The following SMOC2 variants were observed in gnomAD, a reference collection of about 807,000 sequenced individuals.
The protein encoded by SMOC2 is SPARC related modular calcium binding 2.
SMOC2 carries 39 observed loss-of-function variants against 61.4 expected under a neutral mutation model. That is an observed-to-expected ratio of 0.64 (90% CI 0.49 to 0.83). The LOEUF (loss-of-function observed/expected upper bound fraction) is 0.83. Ranked by LOEUF, SMOC2 falls within the 40% of genes least tolerant of loss-of-function variation. SMOC2 has a pLI of 0.00. For missense variants in SMOC2, 556 were observed against 592.9 expected, an observed-to-expected ratio of 0.94 and a Z score of 0.65; for synonymous variants, 247 against 239.9, an observed-to-expected ratio of 1.03 and a Z score of -0.27.
chr6:168,656,186 G>A (rs906517759), intron 11 of SMOC2, among the ~76,000 whole-genome samples: 1 of 152,124 alleles, frequency 6.6e-6, no homozygotes, highest in African/African-American at 2.4e-5. Flanking sequence ...GCTTGAGACT[G>A]TGTTGTGGAG....
At chr6:168,469,662 G>A (rs1235271018) in intron 1 of SMOC2, among the ~76,000 whole-genome samples, 1 of 152,290 alleles carries the variant, frequency 6.6e-6, no homozygotes, top group Non-Finnish European at 1.5e-5. Context: ...GCTCGGAGCC[G>A]ATGACATTTG....
At chr6:168,571,003 G>T (rs1332488983) in intron 7 of SMOC2, among the ~76,000 whole-genome samples, 2 of 152,156 alleles carry the variant, frequency 1.3e-5, no homozygotes, top group Non-Finnish European at 2.9e-5. Context: ...AGCAGTGCAG[G>T]ATTATCTGAA....
chr6:168,624,753 TCA>T (rs941890146), intron 9 of SMOC2, among the ~76,000 whole-genome samples: 3 of 95,474 alleles, frequency 3.1e-5, no homozygotes, highest in Admixed American at 1.0e-4. Context: ...TCACACACAC[TCA>T]CAGACACATG....
intron 9 of SMOC2, among the ~76,000 whole-genome samples, chr6:168,644,246 G>A (rs1786967484): frequency 6.6e-6 from 1 of 152,154 alleles, no homozygotes; most frequent in African/African-American, 2.4e-5. Context: ...CTCCGCCCTG[G>A]GAATTTCCCC....
chr6:168,580,260 T>G (rs776524019), intron 7 of SMOC2, among the ~76,000 whole-genome samples: 10 of 152,228 alleles, frequency 6.6e-5, no homozygotes, highest in Non-Finnish European at 1.5e-5. Context: ...CCAAAGGAAC[T>G]GGATCCACGC....
In SMOC2 at chr6:168,535,212, C is replaced by T. The variant is rs761706154; in HGVS notation, c.463+7485C>T. Among the ~76,000 whole-genome samples the T allele has an allele frequency of 7.9e-5, 12 of 151,962 alleles. No homozygotes were observed. Among genetic ancestry groups the T allele is most frequent in the African/African-American group, 1.5e-4 (6 of 41,376 alleles). Reference sequence around the variant, plus strand: ...GTCTCAATCTCCTGACCTTGTGATCCGCTCACCTTGGCCTCCCAAAGTGCT... The same window carrying T: ...GTCTCAATCTCCTGACCTTGTGATCTGCTCACCTTGGCCTCCCAAAGTGCT... On this transcript the variant is annotated intron_variant, in intron 4 of 12. Transcript: ENST00000356284. This position sits in a 1 kb window ranked among gnomAD's most constrained non-coding sequence, Gnocchi z 4.6.
intron 1 of SMOC2, among the ~76,000 whole-genome samples, chr6:168,478,132 C>T (rs958446187): frequency 3.3e-5 from 5 of 152,152 alleles, no homozygotes; most frequent in African/African-American, 1.2e-4. Context: ...CCTTAAATGC[C>T]AGCTGTGAGC....
At chr6:168,655,756 T>A (rs1787306234) in intron 11 of SMOC2, among the ~76,000 whole-genome samples, 1 of 152,042 alleles carries the variant, frequency 6.6e-6, no homozygotes, top group Non-Finnish European at 1.5e-5. Context: ...CCTGCATGTG[T>A]GTGCTAAATC....
intron 2 of SMOC2, among the ~76,000 whole-genome samples, chr6:168,519,115 G>A (rs990708901): frequency 5.9e-5 from 6 of 101,576 alleles, no homozygotes; most frequent in Non-Finnish European, 1.2e-4. Context: ...GAACGCGTGT[G>A]TATGCATGCA....
chr6:168,460,615 G>A (rs1285286296), intron 1 of SMOC2, among the ~76,000 whole-genome samples: 1 of 152,152 alleles, frequency 6.6e-6, no homozygotes, highest in East Asian at 1.9e-4. Context: ...TCAGGAACCC[G>A]GTGTGGGGCC....
chr6:168,647,743 T>G (rs1008812210), intron 9 of SMOC2, among the ~76,000 whole-genome samples: 7 of 152,216 alleles, frequency 4.6e-5, no homozygotes, highest in Non-Finnish European at 1.0e-4. Context: ...GAAAGTTAGT[T>G]TTTTTCTTCT....
At position 168,535,870 on chromosome 6, in the gene SMOC2, A is replaced by C. The variant is rs558256992; in HGVS notation, c.464-7755A>C. On this transcript the variant is annotated intron_variant, in intron 4 of 12. Coordinates refer to ENST00000356284, the MANE Select transcript of SMOC2 (RefSeq NM_001166412.2). This position sits in a 1 kb window ranked among gnomAD's most constrained non-coding sequence, Gnocchi z 4.6. ...CAGCAGTGATGCAGCTTCACGGCAC[A>C]GGGGCGCCGCCGGGGGAAGATGGGA... Among the ~76,000 whole-genome samples, 171 of 149,300 alleles carry C rather than the reference A, an allele frequency of 1.1e-3. No individual in the cohort carries two copies. Among genetic ancestry groups the C allele is most frequent in the Non-Finnish European group, 2.2e-3 (147 of 67,564 alleles).
At chr6:168,490,921 A>C (rs1782457619) in intron 1 of SMOC2, among the ~76,000 whole-genome samples, 1 of 152,190 alleles carries the variant, frequency 6.6e-6, no homozygotes, top group Non-Finnish European at 1.5e-5. Context: ...GAGACACGGC[A>C]GGGCAGCTGG....
intron 1 of SMOC2, among the ~76,000 whole-genome samples, chr6:168,442,535 G>T (rs1192242325): frequency 6.6e-6 from 1 of 152,262 alleles, no homozygotes; most frequent in Non-Finnish European, 1.5e-5. Context: ...TTTTGAACAA[G>T]TGTTTGAGAA....
At chr6:168,486,649 A>T (rs927587748) in intron 1 of SMOC2, among the ~76,000 whole-genome samples, 2 of 151,334 alleles carry the variant, frequency 1.3e-5, no homozygotes, top group Non-Finnish European at 2.9e-5. Context: ...ATCCAAACCG[A>T]CTGCGATTCA....
At chr6:168,559,649 A>G (rs1270510585) in intron 7 of SMOC2, among the ~76,000 whole-genome samples, 4 of 152,078 alleles carry the variant, frequency 2.6e-5, no homozygotes, top group Non-Finnish European at 5.9e-5. Flanking sequence ...ATAAGAATTC[A>G]TGCCTGTGCT....
At chr6:168,447,251 T>G (rs2114989866) in intron 1 of SMOC2, among the ~76,000 whole-genome samples, 1 of 152,208 alleles carries the variant, frequency 6.6e-6, no homozygotes, top group African/African-American at 2.4e-5. Context: ...TATTTTTTTT[T>G]TTAGAAATGA....
rs149514174 is a variant in SMOC2 at position 168,600,338 on chromosome 6, C to T, written c.824+1334C>T. Among the ~76,000 whole-genome samples, 1,276 of 136,438 alleles carry T rather than the reference C, an allele frequency of 9.4e-3. 18 individuals carry two copies. The highest frequency in any genetic ancestry group is 0.032 in the African/African-American group (1,179 of 36,650). The allele number at this position is 136,438 out of a possible 152,430, so 89.5% of individuals were successfully genotyped here. On this transcript the variant is annotated intron_variant, in intron 8 of 12. Coordinates refer to ENST00000356284, the MANE Select transcript of SMOC2 (RefSeq NM_001166412.2). ...AGGAGAATTGCTTGAATCCGGGAGG[C>T]GGAGGTTGCAGTGAGCCAAGATCAC...
chr6:168,619,199 A>T (rs900303726), intron 9 of SMOC2, among the ~76,000 whole-genome samples: 11 of 152,228 alleles, frequency 7.2e-5, no homozygotes, highest in African/African-American at 2.7e-4. Context: ...AGTGCCATTT[A>T]AAAAATTCCC....
Sources: gnomAD v4.1 joint callset for allele counts (sites outside exome capture counted in the v4.1 genomes callset) on GRCh38, gnomAD v4.1.1 for gene constraint, Gnocchi (gnomAD v3.1) non-coding constraint, MANE v1.5 for transcripts, NCBI Gene and HGNC (gene_info 2026-07-23, HGNC 2026-07-21) for gene names.